RNGTT: variants seen among roughly 807,000 people sequenced by gnomAD.
RNGTT encodes RNA guanylyltransferase and 5'-phosphatase, also known as mRNA-capping enzyme.
In RNGTT, 33 loss-of-function variants were observed where a neutral mutation model predicts 79.3. The ratio of observed to expected loss-of-function variants is 0.42; its 90% confidence interval spans 0.32 to 0.56. The LOEUF is 0.56. Ranked by LOEUF, RNGTT falls within the 20% of genes least tolerant of loss-of-function variation. The pLI, the probability that RNGTT is intolerant of heterozygous loss-of-function variation, is 0.17. For synonymous variants in RNGTT, 222 were observed against 235.9 expected (o/e 0.94, Z 0.54); for missense variants, 497 against 739.1 (o/e 0.67, Z 3.80).
chr6:88,646,086 A>C (rs1006852130), intron 14 of RNGTT, among the ~76,000 whole-genome samples: 1 of 152,242 alleles, frequency 6.6e-6, no homozygotes, highest in Non-Finnish European at 1.5e-5. Context: ...AAATTTTTGC[A>C]ATCTACTCAT....
Position 88,852,502 on chromosome 6 carries a change from T to C in RNGTT, c.1032+1127A>G, listed in dbSNP as rs1199218172. 2.0e-5 allele frequency among the ~76,000 whole-genome samples: 3 copies of C among 152,148 alleles called. No homozygotes were observed. In the East Asian group the frequency reaches 5.8e-4, roughly 29 times the overall value. ...TTTATGTACTATACAACCCCAAGGG[T>C]ACCAGTCACATTAACTATGATAGTT... On this transcript the variant is annotated intron_variant, in intron 9 of 15. Coordinates refer to ENST00000369485, the MANE Select transcript of RNGTT (RefSeq NM_003800.5).
chr6:88,944,748 T>C (rs1784951766), intron 1 of RNGTT, among the ~76,000 whole-genome samples: 1 of 152,238 alleles, frequency 6.6e-6, no homozygotes, highest in South Asian at 2.1e-4. Flanking sequence ...TATGTATACA[T>C]GTGTGAGCAA....
At chr6:88,962,438 C>T (rs1304460793) in intron 1 of RNGTT, among the ~76,000 whole-genome samples, 1 of 152,128 alleles carries the variant, frequency 6.6e-6, no homozygotes, top group Non-Finnish European at 1.5e-5. Context: ...TCAAGACCAG[C>T]CTGGGCAACA....
chr6:88,728,346 G>A lies in RNGTT; in HGVS notation c.1439+41428C>T, dbSNP rs547990969. 7.2e-5 allele frequency among the ~76,000 whole-genome samples: 11 copies of A among 152,314 alleles called. No individual in the cohort carries two copies. The East Asian group carries it at 1.9e-3, about 27-fold the overall frequency. The stretch of plus-strand genomic sequence containing the variant: ...TCCCTCCTGACTCTCGTCAGACTGG[G>A]CATTAGAGAATTGGGACCATTTAAT... On this transcript the variant is annotated intron_variant, in intron 13 of 15. Coordinates refer to ENST00000369485, the MANE Select transcript of RNGTT (RefSeq NM_003800.5).
rs553221959 is a variant in RNGTT, at chr6:88,928,704, T to C, written c.367+281A>G. On this transcript the variant is annotated intron_variant, in intron 4 of 15. Coordinates refer to ENST00000369485, the MANE Select transcript of RNGTT (RefSeq NM_003800.5). ...TAATATAGTATAAAATGTAAAATTA[T>C]AAAATGTAGAAGTATAAAAAATAAA... Among the ~76,000 whole-genome samples, 65 of 152,284 alleles carry C rather than the reference T, an allele frequency of 4.3e-4. 4 individuals are homozygous for C. The South Asian group carries it at 0.013, about 31-fold the overall frequency.
chr6:88,730,936 C>T (rs1169848391), intron 13 of RNGTT, among the ~76,000 whole-genome samples: 3 of 152,110 alleles, frequency 2.0e-5, no homozygotes, highest in South Asian at 4.1e-4. Flanking sequence ...AACAAACAAA[C>T]AAAAAACCTA....
rs1783295171 is a variant in RNGTT at position 88,897,584 on chromosome 6, C to T, written c.685-5669G>A. 2.0e-5 allele frequency among the ~76,000 whole-genome samples: 3 copies of T among 152,152 alleles called. No individual in the cohort carries two copies. In the South Asian group the frequency reaches 6.2e-4, roughly 32 times the overall value. The stretch of plus-strand genomic sequence containing the variant: ...TCTGACTATGTCTGCATCAATTACC[C>T]TTCTGCTCCTTTTTTTATCATAACC... On this transcript the variant is annotated intron_variant, in intron 6 of 15. Transcript: ENST00000369485.
At chr6:88,855,003 A>T (rs902865192) in intron 8 of RNGTT, among the ~76,000 whole-genome samples, 1 of 152,354 alleles carries the variant, frequency 6.6e-6, no homozygotes, top group South Asian at 2.1e-4. Flanking sequence ...TTAGAAAGTT[A>T]AAAGGCATAA....
chr6:88,813,651 T>G (rs1562265822), intron 11 of RNGTT, among the ~76,000 whole-genome samples: 1 of 152,162 alleles, frequency 6.6e-6, no homozygotes, highest in East Asian at 1.9e-4. Context: ...TTGCCTAAGG[T>G]TACACAGCAA....
At chr6:88,768,797 A>G (rs528710211) in intron 13 of RNGTT, among the ~76,000 whole-genome samples, 25 of 152,338 alleles carry the variant, frequency 1.6e-4, no homozygotes, top group African/African-American at 6.0e-4. Context: ...AAGGCTTTGG[A>G]AAAATGTTGA....
At chr6:88,853,868 C>T (rs1386328294) in intron 8 of RNGTT, 104 bp from the exon 9 acceptor site, 8 of 599,540 alleles carry the variant, frequency 1.3e-5, no homozygotes, top group Non-Finnish European at 2.3e-5. Context: ...CATCTGTAGA[C>T]TAATGTTCAC....
chr6:88,679,732 T>A (rs185147009), intron 13 of RNGTT, among the ~76,000 whole-genome samples: 1 of 152,304 alleles, frequency 6.6e-6, no homozygotes, highest in Admixed American at 6.5e-5. Flanking sequence ...AAGGAACTGG[T>A]AGTGGTACAG....
chr6:88,713,413 G>A (rs1346049003), intron 13 of RNGTT, among the ~76,000 whole-genome samples: 2 of 152,104 alleles, frequency 1.3e-5, no homozygotes, highest in African/African-American at 4.8e-5. Flanking sequence ...ACTGTATTTA[G>A]ATAAATATTT....
At chr6:88,949,437 T>G (rs1339539891) in intron 1 of RNGTT, among the ~76,000 whole-genome samples, 1 of 152,008 alleles carries the variant, frequency 6.6e-6, no homozygotes, top group East Asian at 1.9e-4. Flanking sequence ...AATTTTTTTG[T>G]ATTTTTAGTA....
chr6:88,638,784 A>G (rs1436733212), intron 14 of RNGTT, among the ~76,000 whole-genome samples: 1 of 152,172 alleles, frequency 6.6e-6, no homozygotes, highest in Non-Finnish European at 1.5e-5. Context: ...GTACTTTACT[A>G]TCTTTACAGA....
intron 10 of RNGTT, among the ~76,000 whole-genome samples, chr6:88,848,074 A>T (rs1346526474): frequency 1.3e-5 from 2 of 151,862 alleles, no homozygotes. Context: ...ATTAAATCAT[A>T]TAAATTCCAA....
chr6:88,915,143 A>T (rs1430027411), intron 4 of RNGTT, among the ~76,000 whole-genome samples: 1 of 151,620 alleles, frequency 6.6e-6, no homozygotes, highest in African/African-American at 2.4e-5. Flanking sequence ...CTGCAGAGAA[A>T]AGGGAATGCT....
chr6:88,912,566 C>T (rs1000388297), intron 4 of RNGTT, among the ~76,000 whole-genome samples: 2 of 151,808 alleles, frequency 1.3e-5, no homozygotes, highest in African/African-American at 4.8e-5. Context: ...ACCCAAAAAG[C>T]CATGTAAAGA....
intron 13 of RNGTT, among the ~76,000 whole-genome samples, chr6:88,683,535 A>C (rs1426695538): frequency 6.6e-6 from 1 of 152,214 alleles, no homozygotes; most frequent in Non-Finnish European, 1.5e-5. Flanking sequence ...TCCAGAAAAT[A>C]GAAAAGAATA....
Sources: gnomAD v4.1 joint callset for allele counts (sites outside exome capture counted in the v4.1 genomes callset) on GRCh38, gnomAD v4.1.1 for gene constraint, MANE v1.5 for transcripts, NCBI Gene and HGNC (gene_info 2026-07-23, HGNC 2026-07-21) for gene names.